Variants in CXADR observed in about 807,000 individuals in gnomAD.
The protein encoded by CXADR is coxsackievirus and adenovirus receptor.
CXADR carries 20 observed loss-of-function variants against 40.3 expected under a neutral mutation model. The ratio of observed to expected loss-of-function variants is 0.50; its 90% CI spans 0.35 to 0.72. CXADR has a LOEUF of 0.72. Among genes scored for constraint, CXADR ranks in the 30% least tolerant of loss-of-function variants. The pLI is 0.01. For missense variants in CXADR, 332 were observed against 449.1 expected (o/e 0.74, Z 2.36); for synonymous variants, 150 against 161.3 (o/e 0.93, Z 0.53).
chr21:17,573,646 C>T (rs907400457), downstream of CXADR, among the ~76,000 whole-genome samples: 3 of 152,330 alleles, frequency 2.0e-5, no homozygotes, highest in African/African-American at 7.2e-5. Context: ...CGGTGGCTCA[C>T]ACCTGTAATC....
In CXADR at chr21:17,529,283, G is replaced by A. The variant is rs139023506; in HGVS notation, c.43+16111G>A. On this transcript the variant is annotated intron_variant, in intron 1 of 6. Coordinates refer to ENST00000284878, the MANE Select transcript of CXADR (RefSeq NM_001338.5). ...CCTGACTTCGTGATTCACCCGCCTCGGCCTTCCAAAGTGCTGGGATTACAG... is the reference window on the plus strand; with the variant it reads ...CCTGACTTCGTGATTCACCCGCCTCAGCCTTCCAAAGTGCTGGGATTACAG... Among the ~76,000 whole-genome samples the A allele has an allele frequency of 4.7e-3, 709 of 151,264 alleles. 5 individuals are homozygous for A. The highest frequency in any genetic ancestry group is 0.016 in the African/African-American group (664 of 41,204).
intron 1 of CXADR, among the ~76,000 whole-genome samples, chr21:17,534,019 T>TATAGCTATATATATATATATATACAC (rs1555864921): frequency 1.2e-5 from 1 of 81,400 alleles, no homozygotes; most frequent in Non-Finnish European, 2.7e-5. Context: ...TATATATATA[T>TATAGCTATATATATATATATATACAC]ATATATATAG....
At chr21:17,513,791 C>T (rs1185557683) in intron 1 of CXADR, among the ~76,000 whole-genome samples, 1 of 152,188 alleles carries the variant, frequency 6.6e-6, no homozygotes, top group Non-Finnish European at 1.5e-5. Flanking sequence ...GTGAAGGAGA[C>T]CGTGGAAAAT....
the CXADR span, among the ~76,000 whole-genome samples, chr21:17,619,629 A>C: frequency 2.1e-4 from 32 of 151,404 alleles, 1 homozygote; most frequent in South Asian, 6.7e-3. Flanking sequence ...TTCAGGCTAT[A>C]CTTTGAAGAT....
intron 7 of CXADR, among the ~76,000 whole-genome samples, chr21:17,578,685 C>T (rs547784084): frequency 1.1e-4 from 17 of 152,218 alleles, no homozygotes; most frequent in South Asian, 4.1e-4. Flanking sequence ...AAAAATTAGC[C>T]GGGCATGGTG....
chr21:17,623,304 AT>A, the CXADR span, among the ~76,000 whole-genome samples: 6 of 152,012 alleles, frequency 3.9e-5, no homozygotes, highest in African/African-American at 9.7e-5. Flanking sequence ...TCTTTGATGT[AT>A]TTTTTAATTC....
intron 7 of CXADR, among the ~76,000 whole-genome samples, chr21:17,587,332 T>G (rs949862376): frequency 2.0e-5 from 3 of 152,092 alleles, no homozygotes; most frequent in African/African-American, 7.2e-5. Context: ...CCACAATGGT[T>G]GAACTAGTTT....
At chr21:17,590,228 A>AT (rs35390860) in intron 7 of CXADR, among the ~76,000 whole-genome samples, 111,064 of 146,444 alleles carry the variant, frequency 0.76, 42,667 homozygotes, top group South Asian at 0.9. Flanking sequence ...GTAGCTAGGT[A>AT]TTTTTTTTTT....
Position 17,532,009 on chromosome 21 carries a change from A to C in CXADR, c.44-15018A>C, listed in dbSNP as rs574023860. Among the ~76,000 whole-genome samples the C allele has an allele frequency of 1.0e-3, 158 of 150,848 alleles. 4 individuals are homozygous for C. The South Asian group carries it at 0.033, about 31-fold the overall frequency. On this transcript the variant is annotated intron_variant, in intron 1 of 6. Transcript: ENST00000284878. ...CAAGCTGGAATGCAGTGATGCAGTC[A>C]CAACTCACTGCAGCCTCGACCTCCC... is the stretch of plus-strand genomic sequence containing the variant.
chr21:17,563,675 C>A (rs1316283685), intron 6 of CXADR, among the ~76,000 whole-genome samples: 2 of 151,940 alleles, frequency 1.3e-5, no homozygotes, highest in African/African-American at 4.8e-5. Context: ...GGCACGGTGG[C>A]TCACACCTGT....
the CXADR span, among the ~76,000 whole-genome samples, chr21:17,629,578 A>T: frequency 6.6e-6 from 1 of 152,010 alleles, no homozygotes; most frequent in African/African-American, 2.4e-5. Flanking sequence ...AAAACAAAAC[A>T]AAACAAAACC....
chr21:17,548,891 GTCACA>G (rs2060932336), intron 2 of CXADR, among the ~76,000 whole-genome samples: 1 of 152,166 alleles, frequency 6.6e-6, no homozygotes, highest in Non-Finnish European at 1.5e-5. Flanking sequence ...CTAAAACACA[GTCACA>G]TCAGACCAAA....
chr21:17,577,890 A>C (rs892365777), intron 7 of CXADR, among the ~76,000 whole-genome samples: 1 of 152,038 alleles, frequency 6.6e-6, no homozygotes, highest in Non-Finnish European at 1.5e-5. Context: ...GGTTTTATGC[A>C]ATATTTGTCC....
At chr21:17,598,982 A>C in the CXADR span, 1 of 550,446 alleles carries the variant, frequency 1.8e-6, no homozygotes, top group Non-Finnish European at 3.1e-6. Flanking sequence ...AATACAGCTC[A>C]ATGCCAGCAA....
the CXADR span, among the ~76,000 whole-genome samples, chr21:17,617,059 G>A: frequency 0.018 from 2,696 of 152,302 alleles, 38 homozygotes; most frequent in Middle Eastern, 0.041. Flanking sequence ...TGCATTAACT[G>A]TGGAAACTTT....
At chr21:17,621,994 A>G in the CXADR span, among the ~76,000 whole-genome samples, 3 of 152,358 alleles carry the variant, frequency 2.0e-5, no homozygotes, top group African/African-American at 7.2e-5. Context: ...AGGAAGTTTC[A>G]CAGGCTTATG....
chr21:17,570,780 A>G (rs950391887), downstream of CXADR, among the ~76,000 whole-genome samples: 1 of 152,236 alleles, frequency 6.6e-6, no homozygotes, highest in Non-Finnish European at 1.5e-5. Flanking sequence ...GTTATGGCTT[A>G]AAGTATTTTC....
intron 1 of CXADR, among the ~76,000 whole-genome samples, chr21:17,536,301 A>AT (rs1228625933): frequency 6.6e-6 from 1 of 152,204 alleles, no homozygotes; most frequent in Non-Finnish European, 1.5e-5. Flanking sequence ...ATTTGCTAAC[A>AT]TTTCTCATCA....
chr21:17,513,223 G>C, intron 1 of CXADR, 51 bp downstream of exon 1: 1 of 1,338,884 alleles, frequency 7.5e-7, no homozygotes, highest in Non-Finnish European at 9.6e-7. Flanking sequence ...GGGGGCGCTC[G>C]CTGCCCGCGG....
Sources: allele counts gnomAD v4.1 joint callset (sites outside exome capture counted in the v4.1 genomes callset), GRCh38; gene constraint gnomAD v4.1.1; transcripts MANE v1.5; gene names NCBI Gene and HGNC (gene_info 2026-07-23, HGNC 2026-07-21).